Variants in SOX6 observed in about 807,000 individuals in gnomAD.
SOX6 encodes the protein SRY-box transcription factor 6, also known as transcription factor SOX-6.
Under a neutral mutation model 97.8 loss-of-function variants are expected in SOX6, and 11 were observed. That is an observed-to-expected ratio of 0.11 (90% CI 0.07 to 0.19). SOX6 has a LOEUF of 0.19. SOX6 is among the 10% of genes least tolerant of loss of function. The pLI, the probability that SOX6 is intolerant of heterozygous loss-of-function variation, is 1.00. For synonymous variants in SOX6, 360 were observed against 371.4 expected (o/e 0.97, Z 0.35); for missense variants, 810 against 1,039.5 (o/e 0.78, Z 3.04).
chr11:16,504,177 C>T (rs1245219690), intron 4 of SOX6, among the ~76,000 whole-genome samples: 2 of 151,890 alleles, frequency 1.3e-5, no homozygotes, highest in Non-Finnish European at 2.9e-5. Context: ...CCTCTAATAA[C>T]TAGAACAAGA....
chr11:16,147,787 C>G (rs998248091), intron 6 of SOX6, among the ~76,000 whole-genome samples: 1 of 152,190 alleles, frequency 6.6e-6, no homozygotes, highest in Non-Finnish European at 1.5e-5. Context: ...AGCCAGTTTA[C>G]TACTCTGATG....
Position 16,103,366 on chromosome 11 carries a change from T to A in SOX6, c.899-5678A>T, listed in dbSNP as rs926124834. Among the ~76,000 whole-genome samples, 18 of 147,414 alleles carry A rather than the reference T, an allele frequency of 1.2e-4. No individual in the cohort carries two copies. In the East Asian group the frequency reaches 1.4e-3, roughly 11 times the overall value. ...AAGAATGGTCATAATAAAAAAAAAA[T>A]AAATAATGATACTGGCGTGGATGTG... On this transcript the variant is annotated intron_variant, in intron 7 of 15. Coordinates refer to ENST00000683767, the MANE Select transcript of SOX6 (RefSeq NM_001367873.1).
chr11:16,646,425 T>G (rs193210138), intron 3 of SOX6: 6 of 152,318 alleles, frequency 3.9e-5, no homozygotes, highest in Non-Finnish European at 5.9e-5. Flanking sequence ...CATCTAATTT[T>G]GTGTCTTAGG....
intron 12 of SOX6, among the ~76,000 whole-genome samples, chr11:16,040,542 A>G (rs1855634242): frequency 6.6e-6 from 1 of 152,100 alleles, no homozygotes; most frequent in Non-Finnish European, 1.5e-5. Flanking sequence ...TTTTAAAAAA[A>G]CACTATCGCA....
chr11:16,521,184 G>A (rs1861051702), intron 4 of SOX6, among the ~76,000 whole-genome samples: 1 of 152,186 alleles, frequency 6.6e-6, no homozygotes, highest in African/African-American at 2.4e-5. Flanking sequence ...CTCCTCAAGT[G>A]GGTCCCTGAC....
intron 4 of SOX6, among the ~76,000 whole-genome samples, chr11:16,561,253 C>T (rs1847811947): frequency 6.6e-6 from 1 of 152,114 alleles, no homozygotes; most frequent in Admixed American, 6.5e-5. Context: ...CCTATCTACC[C>T]TCCTGATGGA....
intron 6 of SOX6, among the ~76,000 whole-genome samples, chr11:16,166,884 T>C (rs1436152906): frequency 6.6e-6 from 1 of 152,070 alleles, no homozygotes; most frequent in Non-Finnish European, 1.5e-5. Flanking sequence ...CACAGACAAG[T>C]TTATTAACTA....
intron 9 of SOX6, among the ~76,000 whole-genome samples, chr11:16,061,837 C>T (rs1847965349): frequency 6.6e-6 from 1 of 151,860 alleles, no homozygotes; most frequent in South Asian, 2.1e-4. Context: ...AATTGGATTG[C>T]ATATGCAGGA....
At chr11:16,099,476 C>T (rs1441168522) in intron 7 of SOX6, among the ~76,000 whole-genome samples, 4 of 151,684 alleles carry the variant, frequency 2.6e-5, no homozygotes, top group Admixed American at 6.6e-5. Context: ...TTCTAACCAT[C>T]GACATGGACT....
chr11:16,297,037 T>C (rs1855115274), intron 3 of SOX6, among the ~76,000 whole-genome samples: 1 of 152,174 alleles, frequency 6.6e-6, no homozygotes, highest in South Asian at 2.1e-4. Flanking sequence ...AAGTTTTACA[T>C]ATTTTTGTAT....
chr11:16,056,399 G>A (rs1847815949), intron 9 of SOX6, among the ~76,000 whole-genome samples: 1 of 152,098 alleles, frequency 6.6e-6, no homozygotes, highest in African/African-American at 2.4e-5. Context: ...TCTGAATAAT[G>A]AGTGCTGTTC....
At chr11:16,090,455 G>A (rs2133966744) in intron 9 of SOX6, among the ~76,000 whole-genome samples, 1 of 152,180 alleles carries the variant, frequency 6.6e-6, no homozygotes. Context: ...TGGCAAGCTA[G>A]ATTTCTAAGC....
intron 1 of SOX6, among the ~76,000 whole-genome samples, chr11:16,399,569 G>A (rs1858489476): frequency 6.6e-6 from 1 of 151,300 alleles, no homozygotes; most frequent in Non-Finnish European, 1.5e-5. Context: ...CTCTCCTAAG[G>A]AAATTTTAAG....
chr11:16,593,909 A>C (rs1445466745), intron 4 of SOX6, among the ~76,000 whole-genome samples: 1 of 152,210 alleles, frequency 6.6e-6, no homozygotes, highest in Non-Finnish European at 1.5e-5. Context: ...TAAATTCAGA[A>C]TTAAAAAAGA....
intron 3 of SOX6, among the ~76,000 whole-genome samples, chr11:16,283,089 G>GTATATATATATATATATATA (rs10581083): frequency 0.018 from 2,056 of 113,410 alleles, 56 homozygotes; most frequent in Non-Finnish European, 0.024. Context: ...TATATAATTT[G>GTATATATATATATATATATA]TATATATATA....
At chr11:16,584,890 A>G (rs1848075442) in intron 4 of SOX6, among the ~76,000 whole-genome samples, 1 of 152,216 alleles carries the variant, frequency 6.6e-6, no homozygotes, top group South Asian at 2.1e-4. Flanking sequence ...TGGGTCAAGC[A>G]TCCTGTTTGT....
At chr11:16,529,923 T>C (rs1317434760) in intron 4 of SOX6, among the ~76,000 whole-genome samples, 7 of 152,050 alleles carry the variant, frequency 4.6e-5, no homozygotes, top group Admixed American at 3.9e-4. Context: ...ATTGCTTATA[T>C]GTGTGGGTGG....
At chr11:16,486,497 A>G (rs2133129024) in intron 4 of SOX6, among the ~76,000 whole-genome samples, 1 of 152,224 alleles carries the variant, frequency 6.6e-6, no homozygotes, top group Non-Finnish European at 1.5e-5. Context: ...AGGACTGGAG[A>G]AAAAAAGTCA....
At chr11:16,523,521 G>C (rs1483401794) in intron 4 of SOX6, among the ~76,000 whole-genome samples, 1 of 151,798 alleles carries the variant, frequency 6.6e-6, no homozygotes, top group Non-Finnish European at 1.5e-5. Context: ...ATGCCCACAA[G>C]AGAAAGCAGG....
Sources: allele counts gnomAD v4.1 joint callset (sites outside exome capture counted in the v4.1 genomes callset), GRCh38; gene constraint gnomAD v4.1.1; transcripts MANE v1.5; gene names NCBI Gene and HGNC (gene_info 2026-07-23, HGNC 2026-07-21).